The following ASTN2 variants were observed in gnomAD, a reference collection of about 807,000 sequenced individuals.
The protein encoded by ASTN2 is astrotactin-2.
ASTN2 carries 54 observed loss-of-function variants against 139.8 expected under a neutral mutation model. The observed-to-expected ratio is 0.39, with a 90% CI of 0.31 to 0.48. The LOEUF (loss-of-function observed/expected upper bound fraction) is 0.48, where lower values mean the gene tolerates loss of function less well. Among genes scored for constraint, ASTN2 ranks in the 20% least tolerant of loss-of-function variants. ASTN2 has a pLI of 0.95. For missense variants in ASTN2, 1,565 were observed against 1,725.1 expected (o/e 0.91, Z 1.64); for synonymous variants, 756 against 719.5 (o/e 1.05, Z -0.81).
intron 17 of ASTN2, among the ~76,000 whole-genome samples, chr9:116,648,092 C>G (rs1399393219): frequency 2.0e-5 from 3 of 151,630 alleles, no homozygotes. Context: ...ACCACTGCCT[C>G]TCGGGTTCAA....
intron 10 of ASTN2, among the ~76,000 whole-genome samples, chr9:116,888,098 A>G (rs1265907990): frequency 6.6e-6 from 1 of 152,158 alleles, no homozygotes; most frequent in East Asian, 1.9e-4. Context: ...CCCTCAATCT[A>G]AAATAAATGT....
At chr9:116,820,568 C>T in intron 12 of ASTN2, 49 bp downstream of exon 12, 22 of 1,582,464 alleles carry the variant, frequency 1.4e-5, no homozygotes, top group Non-Finnish European at 1.9e-5. Flanking sequence ...TCCCATGCAT[C>T]CCTCACTTCT....
intron 2 of ASTN2, among the ~76,000 whole-genome samples, chr9:117,266,463 T>C (rs760125388): frequency 3.9e-5 from 6 of 152,184 alleles, no homozygotes; most frequent in South Asian, 2.1e-4. Flanking sequence ...CTTTTCCTAG[T>C]AGAGTTAAAA....
intron 10 of ASTN2, among the ~76,000 whole-genome samples, chr9:116,876,680 T>C (rs1833308932): frequency 6.6e-6 from 1 of 152,190 alleles, no homozygotes; most frequent in African/African-American, 2.4e-5. Context: ...ACTGAAGCAA[T>C]ACCCTGCACC....
intron 3 of ASTN2, among the ~76,000 whole-genome samples, chr9:117,188,166 T>TAGAGAGAGAGAGAG (rs150848006): frequency 2.9e-4 from 37 of 125,726 alleles, no homozygotes; most frequent in Middle Eastern, 4.0e-3. Context: ...GTCTGTGTGA[T>TAGAGAGAGAGAGAG]AGAGAGAGAG....
intron 6 of ASTN2, among the ~76,000 whole-genome samples, chr9:117,023,250 T>G (rs2132619115): frequency 6.6e-6 from 1 of 152,232 alleles, no homozygotes; most frequent in Non-Finnish European, 1.5e-5. Context: ...GAATGCCCAT[T>G]CCACAGAAAA....
intron 1 of ASTN2, among the ~76,000 whole-genome samples, chr9:117,387,409 T>C (rs1434719880): frequency 6.6e-6 from 1 of 152,142 alleles, no homozygotes; most frequent in Non-Finnish European, 1.5e-5. Context: ...AACTTATATA[T>C]AAAACAGGGA....
intron 10 of ASTN2, among the ~76,000 whole-genome samples, chr9:116,916,120 T>G (rs962000142): frequency 4.6e-5 from 7 of 152,132 alleles, no homozygotes; most frequent in African/African-American, 1.7e-4. Flanking sequence ...CATTTGGTGT[T>G]GGAAGTGTGG....
At chr9:116,908,476 C>T (rs1029774007) in intron 10 of ASTN2, among the ~76,000 whole-genome samples, 2 of 152,198 alleles carry the variant, frequency 1.3e-5, no homozygotes, top group Non-Finnish European at 2.9e-5. Context: ...CCAACCTCTT[C>T]CTCACCATAA....
chr9:116,426,105 G>A lies in ASTN2; in HGVS notation c.3783-17C>T, dbSNP rs1415360266. On this transcript the variant is annotated splice_polypyrimidine_tract_variant and intron_variant, in intron 22 of 22. Coordinates refer to ENST00000313400, the MANE Select transcript of ASTN2 (RefSeq NM_001365068.1). The stretch of plus-strand genomic sequence containing the variant: ...TGGGCCTTCCTGAAAGGTAGGATGA[G>A]ACAGCCATGATTAAAGAAGTCCAGA... The A allele has an allele frequency of 1.2e-6, 2 of 1,610,260 alleles. No homozygotes were observed. The highest frequency in any genetic ancestry group is 2.2e-5 in the East Asian group (1 of 44,854).
In ASTN2 at chr9:117,364,994, CACACAA is replaced by C. The variant is rs1288044532; in HGVS notation, c.442+49497_442+49502del. 1.0e-2 allele frequency among the ~76,000 whole-genome samples: 1,400 copies of C among 140,374 alleles called. 16 individuals are homozygous for C. The highest frequency in any genetic ancestry group is 0.026 in the East Asian group (123 of 4,780). The allele number at this position is 140,374 out of a possible 152,430, so 92.1% of individuals were successfully genotyped here. ...ACACACACACACACACACACACACA[CACACAA>C]AATCAGCCATGCATTATGGCATGCA... On this transcript the variant is annotated intron_variant, in intron 1 of 22. Coordinates refer to ENST00000313400, the MANE Select transcript of ASTN2 (RefSeq NM_001365068.1).
intron 19 of ASTN2, among the ~76,000 whole-genome samples, chr9:116,551,469 C>T (rs944239552): frequency 6.6e-6 from 1 of 152,164 alleles, no homozygotes; most frequent in Non-Finnish European, 1.5e-5. Flanking sequence ...GTAACAGCAA[C>T]CTTCAACCTC....
At position 117,146,519 on chromosome 9, in the gene ASTN2, G is replaced by A. The variant is rs148453235; in HGVS notation, c.1016-5041C>T. ...AGAATAAAAGAGATAACTGTGCTCAGTAATAAAGAAGAGAAGACAAGAAAG... is the reference window on the plus strand; with the variant it reads ...AGAATAAAAGAGATAACTGTGCTCAATAATAAAGAAGAGAAGACAAGAAAG... On this transcript the variant is annotated intron_variant, in intron 3 of 22. Coordinates refer to ENST00000313400, the MANE Select transcript of ASTN2 (RefSeq NM_001365068.1). Among the ~76,000 whole-genome samples, 642 of 151,224 alleles carry A rather than the reference G, an allele frequency of 4.2e-3. 4 individuals are homozygous for A. The highest frequency in any genetic ancestry group is 0.014 in the African/African-American group (598 of 41,254).
intron 4 of ASTN2, among the ~76,000 whole-genome samples, chr9:117,104,420 G>C (rs184668812): frequency 1.3e-5 from 2 of 152,222 alleles, no homozygotes; most frequent in East Asian, 3.9e-4. Context: ...GACTCCACTT[G>C]TGTAAATTTA....
At chr9:117,395,790 A>C (rs1830661222) in intron 1 of ASTN2, among the ~76,000 whole-genome samples, 1 of 152,220 alleles carries the variant, frequency 6.6e-6, no homozygotes, top group Admixed American at 6.5e-5. Context: ...AGGTGAGGGC[A>C]AAAAGGACTT....
chr9:116,608,567 CTTTTGAACAAAAGAGTTTGAACAAAATA>C (rs1326891862), intron 19 of ASTN2, among the ~76,000 whole-genome samples: 21 of 152,112 alleles, frequency 1.4e-4, no homozygotes, highest in South Asian at 1.0e-3. Context: ...TTTTTGAACT[CTTTTGAACAAAAGAGTTTGAACAAAATA>C]TTTTGAACAA....
chr9:116,668,159 C>T (rs898149513), intron 16 of ASTN2, among the ~76,000 whole-genome samples: 8 of 151,592 alleles, frequency 5.3e-5, no homozygotes, highest in Non-Finnish European at 1.5e-5. Context: ...GAATGTCATA[C>T]AGTGGGAATC....
chr9:117,065,346 G>A (rs1827904534), intron 5 of ASTN2, among the ~76,000 whole-genome samples: 1 of 152,178 alleles, frequency 6.6e-6, no homozygotes, highest in South Asian at 2.1e-4. Context: ...CTCCTGGAGT[G>A]CCTTTCCTCA....
At chr9:117,153,017 C>G (rs1830358215) in intron 3 of ASTN2, among the ~76,000 whole-genome samples, 1 of 152,100 alleles carries the variant, frequency 6.6e-6, no homozygotes, top group African/African-American at 2.4e-5. Context: ...CCCCCAATTT[C>G]AAATCCACAT....
Sources: gnomAD v4.1 joint callset for allele counts (sites outside exome capture counted in the v4.1 genomes callset) on GRCh38, gnomAD v4.1.1 for gene constraint, MANE v1.5 for transcripts, NCBI Gene and HGNC (gene_info 2026-07-23, HGNC 2026-07-21) for gene names.